MYLK4: variants seen among roughly 807,000 people sequenced by gnomAD.
The protein encoded by MYLK4 is myosin light chain kinase family member 4.
A neutral mutation model predicts 48.1 loss-of-function variants in MYLK4; 46 were observed. The observed-to-expected ratio is 0.96, with a 90% CI of 0.75 to 1.22. The LOEUF (loss-of-function observed/expected upper bound fraction) is 1.22. MYLK4 is among the 50% of genes most tolerant of loss of function. The probability of loss-of-function intolerance (pLI) is 0.00; values close to 1 mark genes in which losing one functional copy is unlikely to be tolerated. For synonymous variants in MYLK4, 170 were observed against 180.8 expected (o/e 0.94, Z 0.48); for missense variants, 451 against 486.1 (o/e 0.93, Z 0.68).
chr6:2,760,902 G>C, the MYLK4 span, among the ~76,000 whole-genome samples: 1 of 152,178 alleles, frequency 6.6e-6, no homozygotes, highest in African/African-American at 2.4e-5. Context: ...AGAGGAACAT[G>C]AGTTTGGGTT....
At chr6:2,677,505 G>T (rs2113104473) in intron 10 of MYLK4, among the ~76,000 whole-genome samples, 1 of 152,324 alleles carries the variant, frequency 6.6e-6, no homozygotes, top group African/African-American at 2.4e-5. Flanking sequence ...GAAACAGCGT[G>T]TTTGATGGGT....
chr6:2,735,663 A>G (rs1693745521), intron 2 of MYLK4, among the ~76,000 whole-genome samples: 1 of 152,188 alleles, frequency 6.6e-6, no homozygotes, highest in African/African-American at 2.4e-5. Context: ...CCCATGACAT[A>G]GTATTTATCA....
intron 2 of MYLK4, among the ~76,000 whole-genome samples, 187 bp from the exon 3 acceptor site, chr6:2,693,046 A>C (rs1381867987): frequency 6.6e-6 from 1 of 152,190 alleles, no homozygotes; most frequent in Non-Finnish European, 1.5e-5. Context: ...TGTGATGACC[A>C]AAAAGGTCTC....
At chr6:2,755,676 CTA>C (rs560058847), upstream of MYLK4, among the ~76,000 whole-genome samples, 315 of 152,250 alleles carry the variant, frequency 2.1e-3, no homozygotes, top group African/African-American at 7.4e-3. Flanking sequence ...GTAGCTGGGA[CTA>C]TTGGCAGGCA....
chr6:2,763,964 T>C, the MYLK4 span, among the ~76,000 whole-genome samples: 1 of 152,124 alleles, frequency 6.6e-6, no homozygotes, highest in African/African-American at 2.4e-5. Flanking sequence ...ACCCCGTCTG[T>C]ACTAAAAATC....
At chr6:2,770,223 G>A in the MYLK4 span, 9 of 1,614,050 alleles carry the variant, frequency 5.6e-6, no homozygotes, top group South Asian at 4.4e-5. Context: ...AGCCGCTGTC[G>A]AGTGATTGTT....
chr6:2,762,780 G>A, the MYLK4 span, among the ~76,000 whole-genome samples: 1 of 152,184 alleles, frequency 6.6e-6, no homozygotes, highest in African/African-American at 2.4e-5. Flanking sequence ...CGCCGGCTCA[G>A]AAATCAACTG....
At chr6:2,750,419 T>C (rs1413110689) in intron 1 of MYLK4, among the ~76,000 whole-genome samples, 1 of 152,246 alleles carries the variant, frequency 6.6e-6, no homozygotes, top group Non-Finnish European at 1.5e-5. Context: ...TCTACAGATA[T>C]ATTACAGATC....
chr6:2,708,396 A>G (rs1326712757), intron 2 of MYLK4, among the ~76,000 whole-genome samples: 1 of 152,234 alleles, frequency 6.6e-6, no homozygotes, highest in Non-Finnish European at 1.5e-5. Context: ...ATCAAAGTTC[A>G]TCTTCACAGA....
At chr6:2,747,563 T>C (rs1764141540) in intron 2 of MYLK4, among the ~76,000 whole-genome samples, 1 of 152,112 alleles carries the variant, frequency 6.6e-6, no homozygotes, top group Non-Finnish European at 1.5e-5. Context: ...CCATGTCACC[T>C]GGGCTGGTCT....
At chr6:2,698,288 T>C (rs1407684030) in intron 2 of MYLK4, among the ~76,000 whole-genome samples, 1 of 152,242 alleles carries the variant, frequency 6.6e-6, no homozygotes, top group Non-Finnish European at 1.5e-5. Flanking sequence ...TGTCCTCTAC[T>C]GCCAGGCTCA....
the MYLK4 span, among the ~76,000 whole-genome samples, chr6:2,764,562 A>G: frequency 4.9e-4 from 5 of 10,186 alleles, no homozygotes; most frequent in Admixed American, 3.6e-3. Flanking sequence ...ACTTAGACAA[A>G]AGCAAAAAAT....
At chr6:2,748,396 G>C (rs1764172236) in intron 2 of MYLK4, among the ~76,000 whole-genome samples, 1 of 152,110 alleles carries the variant, frequency 6.6e-6, no homozygotes, top group Non-Finnish European at 1.5e-5. Flanking sequence ...CGGGCAAAAT[G>C]CTTGATGCTC....
At chr6:2,766,014 C>G in the MYLK4 span, 27 of 1,339,726 alleles carry the variant, frequency 2.0e-5, no homozygotes, top group Non-Finnish European at 2.4e-5. Flanking sequence ...GTGGCCCGCT[C>G]CAGCAGCCCC....
At chr6:2,718,179 C>CAAAAAAAAAAAAAAAAAA (rs10590230) in intron 2 of MYLK4, among the ~76,000 whole-genome samples, 3 of 133,304 alleles carry the variant, frequency 2.3e-5, no homozygotes, top group African/African-American at 8.3e-5. Context: ...AACTCTGTCT[C>CAAAAAAAAAAAAAAAAAA]AAAAAAAAAA....
chr6:2,762,959 C>A, the MYLK4 span, among the ~76,000 whole-genome samples: 11 of 152,116 alleles, frequency 7.2e-5, no homozygotes, highest in African/African-American at 2.7e-4. Flanking sequence ...CAAACACCAG[C>A]TAATGCAAAA....
chr6:2,745,433 C>A (rs1180210321), intron 2 of MYLK4, among the ~76,000 whole-genome samples: 3 of 152,096 alleles, frequency 2.0e-5, no homozygotes, highest in African/African-American at 4.8e-5. Context: ...ATGAGTCAGA[C>A]CAATTTGGTC....
At chr6:2,747,341 C>T (rs936558493) in intron 2 of MYLK4, among the ~76,000 whole-genome samples, 2 of 152,010 alleles carry the variant, frequency 1.3e-5, no homozygotes, top group Admixed American at 6.5e-5. Context: ...TTAGCACTAT[C>T]GCACTCTTTT....
chr6:2,723,384 T>G (rs1331345215), intron 2 of MYLK4, among the ~76,000 whole-genome samples: 1 of 152,252 alleles, frequency 6.6e-6, no homozygotes, highest in Non-Finnish European at 1.5e-5. Flanking sequence ...TTCTCCATAT[T>G]TGTGAAACAT....
Sources: allele counts gnomAD v4.1 joint callset (sites outside exome capture counted in the v4.1 genomes callset), GRCh38; gene constraint gnomAD v4.1.1; transcripts MANE v1.5; gene names NCBI Gene and HGNC (gene_info 2026-07-23, HGNC 2026-07-21).